The following BABAM2 variants were observed in gnomAD, a reference collection of about 807,000 sequenced individuals.
BABAM2 encodes the protein BRISC and BRCA1-A complex member 2.
A neutral mutation model predicts 54.7 loss-of-function variants in BABAM2; 31 were observed. That is an observed-to-expected ratio of 0.57 (90% CI 0.43 to 0.77). The LOEUF (loss-of-function observed/expected upper bound fraction) is 0.77. BABAM2 is among the 30% of genes least tolerant of loss of function. The pLI, the probability that BABAM2 is intolerant of heterozygous loss-of-function variation, is 0.00. For missense variants in BABAM2, 364 were observed against 455.8 expected (o/e 0.80, Z 1.83); for synonymous variants, 167 against 162.9 (o/e 1.03, Z -0.19).
chr2:28,090,282 G>A (rs565643578), intron 6 of BABAM2, among the ~76,000 whole-genome samples: 2 of 152,098 alleles, frequency 1.3e-5, no homozygotes, highest in Admixed American at 1.3e-4. Flanking sequence ...GTCTCGCTCC[G>A]TCGCCAGGCT....
chr2:27,956,518 C>T (rs753672170), intron 3 of BABAM2, among the ~76,000 whole-genome samples: 1 of 152,028 alleles, frequency 6.6e-6, no homozygotes, highest in Admixed American at 6.6e-5. Context: ...GATCTGTTGC[C>T]GATGACCCAC....
intron 5 of BABAM2, among the ~76,000 whole-genome samples, chr2:28,039,569 G>C (rs546494762): frequency 1.3e-5 from 2 of 152,340 alleles, no homozygotes; most frequent in South Asian, 4.1e-4. Flanking sequence ...TAAGTGGTAA[G>C]AGCAGTCAAT....
At chr2:28,110,965 T>A (rs2148725773) in intron 6 of BABAM2, among the ~76,000 whole-genome samples, 1 of 150,806 alleles carries the variant, frequency 6.6e-6, no homozygotes, top group East Asian at 1.9e-4. Context: ...GCTTATTGGC[T>A]GTTTCTTTTT....
chr2:28,073,525 T>C (rs1320452831), intron 6 of BABAM2, among the ~76,000 whole-genome samples: 3 of 152,202 alleles, frequency 2.0e-5, no homozygotes, highest in Non-Finnish European at 4.4e-5. Context: ...ATCTGTTTAC[T>C]TTTTTGTTTT....
At chr2:27,892,261 G>T (rs1244427880) in intron 1 of BABAM2, 1 of 152,156 alleles carries the variant, frequency 6.6e-6, no homozygotes, top group Non-Finnish European at 1.5e-5. Flanking sequence ...AACAATTATT[G>T]TTCTCAGGGA....
At chr2:27,941,250 A>C (rs1254147920) in intron 3 of BABAM2, among the ~76,000 whole-genome samples, 1 of 152,202 alleles carries the variant, frequency 6.6e-6, no homozygotes, top group Non-Finnish European at 1.5e-5. Flanking sequence ...CCAAATGAAA[A>C]TGTAGACATT....
At chr2:28,101,011 C>G (rs1401365807) in intron 6 of BABAM2, among the ~76,000 whole-genome samples, 1 of 152,134 alleles carries the variant, frequency 6.6e-6, no homozygotes, top group Non-Finnish European at 1.5e-5. Context: ...GCCCAGTGTC[C>G]ACAGATAGCA....
chr2:28,194,186 T>C (rs1000649099), intron 7 of BABAM2, among the ~76,000 whole-genome samples: 6 of 152,074 alleles, frequency 3.9e-5, no homozygotes, highest in Non-Finnish European at 2.9e-5. Flanking sequence ...TGGGGAAGTT[T>C]CCCAGGACAG....
At chr2:27,926,316 T>C (rs190810988) in intron 2 of BABAM2, among the ~76,000 whole-genome samples, 39 of 152,194 alleles carry the variant, frequency 2.6e-4, no homozygotes, top group African/African-American at 9.4e-4. Context: ...TCCTAATCTT[T>C]TGTTCTTCTC....
At chr2:28,234,587 A>C (rs1331915943) in intron 7 of BABAM2, among the ~76,000 whole-genome samples, 1 of 152,196 alleles carries the variant, frequency 6.6e-6, no homozygotes, top group Non-Finnish European at 1.5e-5. Context: ...GGAAGCATCC[A>C]GCTTATTTTC....
intron 10 of BABAM2, among the ~76,000 whole-genome samples, chr2:28,254,937 A>G (rs775337155): frequency 4.6e-5 from 7 of 151,846 alleles, no homozygotes; most frequent in African/African-American, 7.3e-5. Flanking sequence ...GAGTCTCACT[A>G]TGTTGCCCAG....
At chr2:27,939,639 T>G (rs1004332401) in intron 3 of BABAM2, among the ~76,000 whole-genome samples, 8 of 152,228 alleles carry the variant, frequency 5.3e-5, no homozygotes, top group African/African-American at 1.9e-4. Context: ...GAATGTACAG[T>G]CATTTGCAGA....
chr2:27,927,490 T>C (rs1558593116), intron 2 of BABAM2, among the ~76,000 whole-genome samples: 1 of 152,230 alleles, frequency 6.6e-6, no homozygotes, highest in South Asian at 2.1e-4. Context: ...AACAGCATGC[T>C]CATAATGACA....
At chr2:27,964,316 A>C (rs1670688421) in intron 3 of BABAM2, among the ~76,000 whole-genome samples, 1 of 152,102 alleles carries the variant, frequency 6.6e-6, no homozygotes, top group Non-Finnish European at 1.5e-5. Flanking sequence ...CACTAAATAA[A>C]CCTTTTTCTT....
chr2:27,994,483 A>G (rs1188069776), intron 4 of BABAM2, among the ~76,000 whole-genome samples: 3 of 152,200 alleles, frequency 2.0e-5, no homozygotes, highest in Non-Finnish European at 2.9e-5. Context: ...CACTATGACC[A>G]CCTTGCCTCA....
chr2:28,289,918 G>T (rs537295155), intron 10 of BABAM2, among the ~76,000 whole-genome samples: 9 of 152,106 alleles, frequency 5.9e-5, no homozygotes, highest in Admixed American at 5.9e-4. Context: ...CCTCCAAAAT[G>T]CACCCCCATC....
chr2:28,008,084 A>ATGC, intron 4 of BABAM2, among the ~76,000 whole-genome samples: 1 of 152,312 alleles, frequency 6.6e-6, no homozygotes. Context: ...AGAGATGAAT[A>ATGC]AAATACTGTT....
chr2:28,262,261 T>C (rs1684604199), intron 10 of BABAM2, among the ~76,000 whole-genome samples: 1 of 152,184 alleles, frequency 6.6e-6, no homozygotes, highest in Non-Finnish European at 1.5e-5. Flanking sequence ...AGATATAACG[T>C]TGCCTAGGAG....
chr2:28,245,115 G>A (rs1463702880), intron 10 of BABAM2, among the ~76,000 whole-genome samples: 1 of 152,008 alleles, frequency 6.6e-6, no homozygotes, highest in East Asian at 1.9e-4. Context: ...CTGAGGGGGT[G>A]GGGATTTGCT....
Sources: allele counts gnomAD v4.1 joint callset (sites outside exome capture counted in the v4.1 genomes callset), GRCh38; gene constraint gnomAD v4.1.1; transcripts MANE v1.5; gene names NCBI Gene and HGNC (gene_info 2026-07-23, HGNC 2026-07-21).